The following EMC8 variants were observed in gnomAD, a reference collection of about 807,000 sequenced individuals.
EMC8 encodes ER membrane protein complex subunit 8, also known as COX4 neighbor.
In EMC8, 11 loss-of-function variants were observed where a neutral mutation model predicts 24.3. The ratio of observed to expected loss-of-function variants is 0.45; its 90% CI spans 0.28 to 0.75. The LOEUF (loss-of-function observed/expected upper bound fraction) is 0.75, where lower values mean the gene tolerates loss of function less well. EMC8 is among the 30% of genes least tolerant of loss of function. EMC8 has a pLI of 0.12. For missense variants in EMC8, 277 were observed against 282.7 expected (o/e 0.98, Z 0.14); for synonymous variants, 145 against 117.7 (o/e 1.23, Z -1.50).
At chr16:85,797,439 G>C (rs1049930060) in intron 1 of EMC8, among the ~76,000 whole-genome samples, 3 of 151,984 alleles carry the variant, frequency 2.0e-5, no homozygotes, top group Non-Finnish European at 4.4e-5. Flanking sequence ...GGAAAGACCT[G>C]GATTAAAACA....
intron 1 of EMC8, among the ~76,000 whole-genome samples, chr16:85,793,133 C>A (rs1305379643): frequency 6.6e-6 from 1 of 152,192 alleles, no homozygotes; most frequent in African/African-American, 2.4e-5. Flanking sequence ...AGGGCTGGGG[C>A]CACCCCTTTC....
At chr16:85,797,462 C>A (rs1341109819) in intron 1 of EMC8, among the ~76,000 whole-genome samples, 3 of 152,180 alleles carry the variant, frequency 2.0e-5, no homozygotes, top group Non-Finnish European at 4.4e-5. Context: ...CACACACACT[C>A]CCCAGTGGTG....
At chr16:85,794,450 A>C (rs1291528498) in intron 1 of EMC8, among the ~76,000 whole-genome samples, 1 of 152,104 alleles carries the variant, frequency 6.6e-6, no homozygotes, top group Non-Finnish European at 1.5e-5. Flanking sequence ...GCACTTTGGG[A>C]GGGCGAGGCG....
At chr16:85,798,989 C>G in intron 1 of EMC8, 76 bp downstream of exon 1, 3 of 1,101,154 alleles carry the variant, frequency 2.7e-6, no homozygotes, top group Non-Finnish European at 3.9e-6. Context: ...AGGGCGACCG[C>G]TGGGCCAGCT....
At chr16:85,791,197 T>C (rs1904995378) in intron 1 of EMC8, among the ~76,000 whole-genome samples, 1 of 152,164 alleles carries the variant, frequency 6.6e-6, no homozygotes, top group African/African-American at 2.4e-5. Flanking sequence ...TATCATATGA[T>C]TGTTTTTCTT....
At chr16:85,789,359 A>G (rs58429521) in intron 1 of EMC8, among the ~76,000 whole-genome samples, 97 of 152,346 alleles carry the variant, frequency 6.4e-4, no homozygotes, top group African/African-American at 2.3e-3. Flanking sequence ...CTTATACTAT[A>G]AAGAACTGGG....
Position 85,799,496 on chromosome 16 carries a change from C to T in EMC8, c.-201G>A. On this transcript the variant is annotated 5_prime_UTR_variant, in exon 1 of 5. Coordinates refer to ENST00000253457, the MANE Select transcript of EMC8 (RefSeq NM_006067.5). The surrounding 1 kb of genome is among the most constrained non-coding windows in gnomAD (Gnocchi z 4.2). ...AAAGCGACTCGCGCCTCTGGGAAGC[C>T]GCAGCCCCAGACTCCAGTCGCGCTT... is the stretch of plus-strand genomic sequence containing the variant. 1 of 397,420 alleles carries T rather than the reference C, an allele frequency of 2.5e-6. No individual in the cohort carries two copies. The allele number at this position is 397,420 out of a possible 1,614,324, so 24.6% of individuals were successfully genotyped here. A position where few individuals can be genotyped will look rare whatever the true frequency, so the allele number is the denominator to read the frequency against.
intron 2 of EMC8, 92 bp downstream of exon 2, chr16:85,788,882 G>A (rs1027717301): frequency 7.9e-6 from 7 of 883,402 alleles, no homozygotes; most frequent in East Asian, 4.8e-5. Context: ...AGGTCTCACA[G>A]GTTTCGTATC....
At position 85,798,234 on chromosome 16, in the gene EMC8, G is replaced by C. The variant is rs1373170180; in HGVS notation, c.231+831C>G. Among the ~76,000 whole-genome samples, 3 of 141,428 alleles carry C rather than the reference G, an allele frequency of 2.1e-5. No individual in the cohort carries two copies. The East Asian group carries it at 6.5e-4, about 30-fold the overall frequency. The allele number at this position is 141,428 out of a possible 152,430, so 92.8% of individuals were successfully genotyped here. A position where few individuals can be genotyped will look rare whatever the true frequency, so the allele number is the denominator to read the frequency against. ...CCTCCTGGGTTCAAGCGATTCTCTT[G>C]CCTCAGCCTCCCGAGTGGCTGGGAT... On this transcript the variant is annotated intron_variant, in intron 1 of 4. Transcript: ENST00000253457.
intron 2 of EMC8, among the ~76,000 whole-genome samples, chr16:85,788,604 T>C (rs529424636): frequency 6.4e-4 from 97 of 152,326 alleles, no homozygotes; most frequent in Middle Eastern, 3.4e-3. Context: ...GGCTGGTCTA[T>C]TTACCGGCAA....
intron 2 of EMC8, 155 bp downstream of exon 2, chr16:85,788,819 C>T: frequency 1.5e-6 from 1 of 648,284 alleles, no homozygotes; most frequent in Admixed American, 2.8e-5. Context: ...TTGGAATTAT[C>T]CACACCACAG....
chr16:85,786,779 G>A (rs1052081780), intron 2 of EMC8, among the ~76,000 whole-genome samples: 5 of 152,200 alleles, frequency 3.3e-5, no homozygotes, highest in South Asian at 2.1e-4. Context: ...AACTGTGTCC[G>A]AGTAGGATAA....
At chr16:85,784,546 T>C (rs1293408849) in intron 2 of EMC8, 2 of 152,120 alleles carry the variant, frequency 1.3e-5, no homozygotes, top group African/African-American at 4.8e-5. Context: ...AAGAAAAATA[T>C]GACTTAAGAG....
intron 2 of EMC8, chr16:85,781,744 G>A (rs1337365169): frequency 6.2e-6 from 1 of 161,996 alleles, no homozygotes; most frequent in Non-Finnish European, 1.3e-5. Context: ...ACTGTGCCCA[G>A]CCTACTTATT....
chr16:85,780,068 A>C (rs1904415650), intron 4 of EMC8: 1 of 606,396 alleles, frequency 1.6e-6, no homozygotes, highest in South Asian at 2.0e-5. Flanking sequence ...GACGCCTTTC[A>C]CGTGGAATTC....
intron 2 of EMC8, among the ~76,000 whole-genome samples, chr16:85,785,821 A>G (rs371620279): frequency 6.6e-6 from 1 of 152,120 alleles, no homozygotes; most frequent in South Asian, 2.1e-4. Context: ...CAACAGCACC[A>G]TGTCGGGCCA....
At chr16:85,787,770 A>G (rs1202137075) in intron 2 of EMC8, among the ~76,000 whole-genome samples, 2 of 152,194 alleles carry the variant, frequency 1.3e-5, no homozygotes, top group Non-Finnish European at 2.9e-5. Flanking sequence ...TGAGTGCAGC[A>G]TCTCCTAGGA....
chr16:85,798,041 G>C (rs9673646), intron 1 of EMC8, among the ~76,000 whole-genome samples: 4,413 of 149,744 alleles, frequency 0.029, 210 homozygotes, highest in African/African-American at 0.1. Context: ...CAATAAAGCT[G>C]TCATTGCAAA....
intron 2 of EMC8, among the ~76,000 whole-genome samples, chr16:85,786,048 T>A (rs1040636865): frequency 1.3e-5 from 2 of 152,184 alleles, no homozygotes; most frequent in Non-Finnish European, 2.9e-5. Flanking sequence ...AGAACAGTAA[T>A]AGAAAAAGTC....
Sources: allele counts gnomAD v4.1 joint callset (sites outside exome capture counted in the v4.1 genomes callset), GRCh38; gene constraint gnomAD v4.1.1; non-coding constraint Gnocchi (gnomAD v3.1); transcripts MANE v1.5; gene names NCBI Gene and HGNC (gene_info 2026-07-23, HGNC 2026-07-21).